The following NIBAN2 variants were observed in gnomAD, a reference collection of about 807,000 sequenced individuals.
The protein encoded by NIBAN2 is niban apoptosis regulator 2.
In NIBAN2, 36 loss-of-function variants were observed where a neutral mutation model predicts 81.8. The ratio of observed to expected loss-of-function variants is 0.44; its 90% CI spans 0.34 to 0.58. The LOEUF is 0.58. NIBAN2 is among the 20% of genes least tolerant of loss of function. The pLI is 0.02. For missense variants in NIBAN2, 897 were observed against 1,014.1 expected, an observed-to-expected ratio of 0.88 and a Z score of 1.57; for synonymous variants, 445 against 441.6, an observed-to-expected ratio of 1.01 and a Z score of -0.10.
chr9:127,509,351 C>T (rs1231597597), intron 9 of NIBAN2, among the ~76,000 whole-genome samples: 3 of 152,122 alleles, frequency 2.0e-5, no homozygotes, highest in Admixed American at 6.5e-5. Context: ...AGTGGCACAG[C>T]GCTGTGGAGA....
At chr9:127,571,379 CAT>C (rs887373922), upstream of NIBAN2, among the ~76,000 whole-genome samples, 34 of 152,248 alleles carry the variant, frequency 2.2e-4, 1 homozygote, top group African/African-American at 7.5e-4. Context: ...TCCATGGCCT[CAT>C]ATGTGAGAGG....
chr9:127,520,370 T>C (rs1020740983), intron 5 of NIBAN2, among the ~76,000 whole-genome samples: 3 of 151,714 alleles, frequency 2.0e-5, no homozygotes, highest in African/African-American at 7.3e-5. Flanking sequence ...CCCAAGTAGC[T>C]GGGACTATAG....
intron 8 of NIBAN2, among the ~76,000 whole-genome samples, chr9:127,516,178 C>T (rs1836826435): frequency 6.6e-6 from 1 of 152,148 alleles, no homozygotes. Flanking sequence ...GGGCAACTGA[C>T]AATTGCTAAA....
chr9:127,515,239 G>A (rs371733212), intron 8 of NIBAN2, among the ~76,000 whole-genome samples: 1 of 151,890 alleles, frequency 6.6e-6, no homozygotes, highest in African/African-American at 2.4e-5. Context: ...CAGGCCGGGC[G>A]GCCAGGCGCG....
At chr9:127,509,787 C>CCTCTCCCCTCCT (rs1554764800) in intron 9 of NIBAN2, 6 of 93,098 alleles carry the variant, frequency 6.4e-5, no homozygotes, top group African/African-American at 2.3e-4. Flanking sequence ...CCTCTCCTTC[C>CCTCTCCCCTCCT]CTCCTTCCCT....
intron 1 of NIBAN2, among the ~76,000 whole-genome samples, chr9:127,564,861 T>C (rs1400267269): frequency 7.6e-6 from 1 of 132,330 alleles, no homozygotes; most frequent in Non-Finnish European, 1.6e-5. Context: ...TGAGACGCCA[T>C]CTCAAAAAAA....
rs771060943 is a variant in NIBAN2 at position 127,559,819 on chromosome 9, G to C, written c.55+9001C>G. On this transcript the variant is annotated intron_variant, in intron 1 of 13. Coordinates refer to ENST00000373312, the MANE Select transcript of NIBAN2 (RefSeq NM_022833.4). This position sits in a 1 kb window ranked among gnomAD's most constrained non-coding sequence, Gnocchi z 4.0. The stretch of plus-strand genomic sequence containing the variant: ...CACCCGGCACTTCTGATCTGCAAGA[G>C]GAGGGCCTCCCTTGGCCAATGTCCT... Among the ~76,000 whole-genome samples the C allele has an allele frequency of 3.3e-5, 5 of 152,302 alleles. No homozygotes were observed. Among genetic ancestry groups the C allele is most frequent in the Non-Finnish European group, 7.3e-5 (5 of 68,030 alleles).
At chr9:127,523,623 A>G in intron 5 of NIBAN2, 56 bp downstream of exon 5, 1 of 1,563,340 alleles carries the variant, frequency 6.4e-7, no homozygotes. Flanking sequence ...ACCATTCAGC[A>G]ATAACCCAGG....
chr9:127,547,313 T>C (rs1837489260), intron 1 of NIBAN2, among the ~76,000 whole-genome samples: 1 of 146,246 alleles, frequency 6.8e-6, no homozygotes, highest in South Asian at 2.2e-4. Context: ...GGTCAGGAGT[T>C]TGAGACCAGC....
In NIBAN2 at chr9:127,510,126, A is replaced by G. The variant is rs764202103; in HGVS notation, c.1161+20T>C. 1 of 1,593,662 alleles carries G rather than the reference A, an allele frequency of 6.3e-7. No individual in the cohort carries two copies. Among genetic ancestry groups the G allele is most frequent in the South Asian group, 1.1e-5 (1 of 87,842 alleles). ...ACCTACTCTCAGGAGACCCCCTCCT[A>G]GGGGCGGTGCCGGCCTCACCTCGCC... On this transcript the variant is annotated intron_variant, in intron 9 of 13. Coordinates refer to ENST00000373312, the MANE Select transcript of NIBAN2 (RefSeq NM_022833.4).
intron 9 of NIBAN2, 133 bp downstream of exon 9, chr9:127,510,013 C>A (rs1202737337): frequency 8.7e-6 from 7 of 807,264 alleles, no homozygotes; most frequent in East Asian, 2.7e-5. Context: ...CCCCTAGTCC[C>A]CAGCAGCCCC....
chr9:127,548,308 A>G (rs992263416), intron 1 of NIBAN2, among the ~76,000 whole-genome samples: 1 of 152,180 alleles, frequency 6.6e-6, no homozygotes, highest in Non-Finnish European at 1.5e-5. Context: ...GAGAACCTCG[A>G]CCGACCACAG....
At chr9:127,511,827 A>C in intron 8 of NIBAN2, among the ~76,000 whole-genome samples, 1 of 152,228 alleles carries the variant, frequency 6.6e-6, no homozygotes, top group East Asian at 1.9e-4. Context: ...TACTCAACCC[A>C]AAACAGGCAT....
At chr9:127,544,458 G>A (rs76057275) in intron 1 of NIBAN2, among the ~76,000 whole-genome samples, 1,719 of 152,092 alleles carry the variant, frequency 0.011, 14 homozygotes, top group Middle Eastern at 0.034. Context: ...AACCCTATAA[G>A]GGCACATGGC....
intron 1 of NIBAN2, among the ~76,000 whole-genome samples, chr9:127,544,649 A>C (rs1446329856): frequency 6.6e-6 from 1 of 152,124 alleles, no homozygotes; most frequent in East Asian, 1.9e-4. Context: ...GATTACAGGC[A>C]TGTGCCACCA....
At chr9:127,511,932 A>G (rs2417051) in intron 8 of NIBAN2, among the ~76,000 whole-genome samples, 100,786 of 151,692 alleles carry the variant, frequency 0.66, 34,603 homozygotes, top group Middle Eastern at 0.78. Flanking sequence ...TTATCCAAAA[A>G]AAAGAAAATA....
intron 1 of NIBAN2, among the ~76,000 whole-genome samples, chr9:127,544,476 C>A (rs1210424922): frequency 6.6e-6 from 1 of 151,844 alleles, no homozygotes; most frequent in Non-Finnish European, 1.5e-5. Context: ...GGCTGTTATT[C>A]TTTTTTTCTT....
chr9:127,562,208 C>T (rs994962360), intron 1 of NIBAN2, among the ~76,000 whole-genome samples: 13 of 152,148 alleles, frequency 8.5e-5, no homozygotes, highest in Non-Finnish European at 1.2e-4. Flanking sequence ...TTCCTCTCCC[C>T]GCCTCCGAAA....
intron 1 of NIBAN2, among the ~76,000 whole-genome samples, chr9:127,575,026 A>C (rs1281733333): frequency 6.6e-6 from 1 of 152,138 alleles, no homozygotes; most frequent in Non-Finnish European, 1.5e-5. Context: ...AATTGTTGTA[A>C]ACACAGATAC....
Sources: allele counts gnomAD v4.1 joint callset (sites outside exome capture counted in the v4.1 genomes callset), GRCh38; gene constraint gnomAD v4.1.1; non-coding constraint Gnocchi (gnomAD v3.1); transcripts MANE v1.5; gene names NCBI Gene and HGNC (gene_info 2026-07-23, HGNC 2026-07-21).